The following MYRFL variants were observed in gnomAD, a reference collection of about 807,000 sequenced individuals.
The protein encoded by MYRFL is myelin regulatory factor like.
A neutral mutation model predicts 109.4 loss-of-function variants in MYRFL; 88 were observed. The ratio of observed to expected loss-of-function variants is 0.80; its 90% CI spans 0.68 to 0.96. The LOEUF (loss-of-function observed/expected upper bound fraction) is 0.96, where lower values mean the gene tolerates loss of function less well. Ranked by LOEUF, MYRFL falls within the 40% of genes least tolerant of loss-of-function variation. The probability of loss-of-function intolerance (pLI) is 0.00; values close to 1 mark genes in which losing one functional copy is unlikely to be tolerated. For missense variants in MYRFL, 957 were observed against 954.9 expected (o/e 1.00, Z -0.03); for synonymous variants, 324 against 320.9 (o/e 1.01, Z -0.10).
At chr12:69,837,087 A>G (rs1322645997) in intron 1 of MYRFL, among the ~76,000 whole-genome samples, 1 of 152,164 alleles carries the variant, frequency 6.6e-6, no homozygotes, top group Non-Finnish European at 1.5e-5. Flanking sequence ...TATGCCTAAA[A>G]TCGGATTGGT....
intron 6 of MYRFL, among the ~76,000 whole-genome samples, chr12:69,890,015 C>T (rs74101371): frequency 0.029 from 4,372 of 152,262 alleles, 215 homozygotes; most frequent in African/African-American, 0.1. Flanking sequence ...CCATTTCTTT[C>T]TGCAGAAGTA....
intron 1 of MYRFL, among the ~76,000 whole-genome samples, chr12:69,837,377 T>G (rs1027900647): frequency 1.3e-5 from 2 of 152,134 alleles, no homozygotes; most frequent in Non-Finnish European, 2.9e-5. Flanking sequence ...AGTTTCCATC[T>G]TTTCGGACTT....
intron 15 of MYRFL, 102 bp from the exon 16 acceptor site, chr12:69,932,411 C>A (rs1382685573): frequency 1.4e-6 from 1 of 740,710 alleles, no homozygotes; most frequent in South Asian, 1.7e-5. Context: ...CAAACTATCC[C>A]AAGAGAGCAG....
At chr12:69,839,393 G>T (rs149120464) in intron 1 of MYRFL, among the ~76,000 whole-genome samples, 1 of 152,228 alleles carries the variant, frequency 6.6e-6, no homozygotes, top group East Asian at 1.9e-4. Context: ...AATATTTGCT[G>T]AAGTACTTAG....
chr12:69,948,975 C>T (rs1271443868), intron 19 of MYRFL, among the ~76,000 whole-genome samples: 1 of 152,144 alleles, frequency 6.6e-6, no homozygotes, highest in African/African-American at 2.4e-5. Flanking sequence ...CTTACTCTTT[C>T]CCTGGCTCTC....
intron 19 of MYRFL, among the ~76,000 whole-genome samples, chr12:69,937,178 G>GT (rs150865392): frequency 0.032 from 4,926 of 151,644 alleles, 255 homozygotes; most frequent in African/African-American, 0.11. Flanking sequence ...AATTTTCATG[G>GT]TAAAAAAAAG....
In MYRFL at chr12:69,927,297, G is replaced by A. The variant is rs538147491; in HGVS notation, c.1767-388G>A. Among the ~76,000 whole-genome samples the A allele has an allele frequency of 3.9e-5, 6 of 152,214 alleles. No homozygotes were observed. In the South Asian group the frequency reaches 1.2e-3, roughly 32 times the overall value. ...ACCATGAGACATCTGTTTAGTAGCAGTTGTTATAGGAAGTGCTAAATTTTA... is the reference window on the plus strand; with the variant it reads ...ACCATGAGACATCTGTTTAGTAGCAATTGTTATAGGAAGTGCTAAATTTTA... On this transcript the variant is annotated intron_variant, in intron 14 of 24. Coordinates refer to ENST00000552032, the MANE Select transcript of MYRFL (RefSeq NM_182530.3).
At chr12:69,935,732 G>A (rs17225861) in intron 16 of MYRFL, among the ~76,000 whole-genome samples, 16,747 of 152,212 alleles carry the variant, frequency 0.11, 1,218 homozygotes, top group Non-Finnish European at 0.16. Context: ...GCCCTCCACC[G>A]GTGGCACGCA....
chr12:69,918,510 G>T (rs1566024480), intron 13 of MYRFL, among the ~76,000 whole-genome samples: 4 of 152,104 alleles, frequency 2.6e-5, no homozygotes, highest in Admixed American at 2.0e-4. Context: ...TACAAGGAGT[G>T]GGGTGCAGGA....
chr12:69,919,296 A>T (rs1954835359), intron 13 of MYRFL, among the ~76,000 whole-genome samples: 1 of 152,232 alleles, frequency 6.6e-6, no homozygotes, highest in African/African-American at 2.4e-5. Flanking sequence ...GTTCAACTGG[A>T]AACTTGTCTC....
chr12:69,956,782 C>G (rs1956107267), intron 22 of MYRFL, among the ~76,000 whole-genome samples: 1 of 152,146 alleles, frequency 6.6e-6, no homozygotes, highest in African/African-American at 2.4e-5. Flanking sequence ...TTTTAAGCAG[C>G]TAATATTTTG....
chr12:69,855,783 CT>C (rs541870314), intron 2 of MYRFL, among the ~76,000 whole-genome samples: 21 of 141,034 alleles, frequency 1.5e-4, no homozygotes, highest in East Asian at 2.1e-4. Context: ...AGTAACTTGT[CT>C]TTTTTTTTTT....
At position 69,955,450 on chromosome 12, in the gene MYRFL, C is replaced by A; in HGVS notation, c.2450+13C>A. 2 of 583,516 alleles carry A rather than the reference C, an allele frequency of 3.4e-6. No homozygotes were observed. Among genetic ancestry groups the A allele is most frequent in the Non-Finnish European group, 6.0e-6 (2 of 332,132 alleles). The allele number at this position is 583,516 out of a possible 1,614,324, so 36.1% of individuals were successfully genotyped here. On this transcript the variant is annotated intron_variant, in intron 22 of 24. Transcript: ENST00000552032. ...CTCTGGAAATAAAGTAAGTGCATGG[C>A]TGTAAAAAACAATTTCATTTTTATC... is the stretch of plus-strand genomic sequence containing the variant.
At chr12:69,921,295 G>C (rs1954902632) in intron 13 of MYRFL, among the ~76,000 whole-genome samples, 2 of 151,900 alleles carry the variant, frequency 1.3e-5, no homozygotes, top group African/African-American at 4.8e-5. Flanking sequence ...CTCCCACCCT[G>C]GCCTCCCAAA....
chr12:69,942,386 C>T (rs2120511022), intron 19 of MYRFL, among the ~76,000 whole-genome samples: 1 of 143,928 alleles, frequency 6.9e-6, no homozygotes, highest in East Asian at 2.0e-4. Flanking sequence ...TCAATATATG[C>T]AAATCAATAA....
chr12:69,891,753 CAG>C (rs1174233116), intron 7 of MYRFL, among the ~76,000 whole-genome samples: 1 of 150,606 alleles, frequency 6.6e-6, no homozygotes, highest in East Asian at 2.0e-4. Flanking sequence ...GGCTGGAGCA[CAG>C]CAGCATGATT....
intron 19 of MYRFL, among the ~76,000 whole-genome samples, chr12:69,949,303 G>T (rs547549207): frequency 8.0e-5 from 12 of 150,698 alleles, no homozygotes; most frequent in Admixed American, 7.3e-4. Flanking sequence ...TGTACTTAGC[G>T]ACCCACTAAA....
chr12:69,865,068 G>C (rs1318617537), intron 2 of MYRFL, among the ~76,000 whole-genome samples: 2 of 152,312 alleles, frequency 1.3e-5, no homozygotes, highest in Middle Eastern at 3.4e-3. Flanking sequence ...ATGGAAATGT[G>C]TGATACCATT....
At chr12:69,929,253 C>A (rs557867343) in intron 15 of MYRFL, among the ~76,000 whole-genome samples, 3 of 152,204 alleles carry the variant, frequency 2.0e-5, no homozygotes, top group Admixed American at 6.5e-5. Context: ...AAAGAGCACC[C>A]GTTCAACTCA....
Sources: gnomAD v4.1 joint callset for allele counts (sites outside exome capture counted in the v4.1 genomes callset) on GRCh38, gnomAD v4.1.1 for gene constraint, MANE v1.5 for transcripts, NCBI Gene and HGNC (gene_info 2026-07-23, HGNC 2026-07-21) for gene names.